RIMS1: variants seen among roughly 807,000 people sequenced by gnomAD.
RIMS1 encodes the protein regulating synaptic membrane exocytosis 1.
In RIMS1, 83 loss-of-function variants were observed where a neutral mutation model predicts 214.1. The ratio of observed to expected loss-of-function variants is 0.39; its 90% CI spans 0.32 to 0.47. The LOEUF (loss-of-function observed/expected upper bound fraction) is 0.47. Among genes scored for constraint, RIMS1 ranks in the 20% least tolerant of loss-of-function variants. The probability of loss-of-function intolerance (pLI) is 0.99; values close to 1 mark genes in which losing one functional copy is unlikely to be tolerated. For missense variants in RIMS1, 2,050 were observed against 2,161.8 expected (o/e 0.95, Z 1.03); for synonymous variants, 793 against 786.8 (o/e 1.01, Z -0.13).
intron 29 of RIMS1, among the ~76,000 whole-genome samples, chr6:72,347,715 G>A (rs537138314): frequency 1.5e-4 from 23 of 151,832 alleles, no homozygotes; most frequent in African/African-American, 5.5e-4. Flanking sequence ...TTCTTTCTTT[G>A]TACCTCTCTA....
At chr6:72,025,648 T>C (rs1009186721) in intron 2 of RIMS1, among the ~76,000 whole-genome samples, 1 of 152,196 alleles carries the variant, frequency 6.6e-6, no homozygotes, top group South Asian at 2.1e-4. Flanking sequence ...TAGGACCTTT[T>C]TGTACTAGTT....
At chr6:72,042,442 T>G (rs1821707817) in intron 2 of RIMS1, among the ~76,000 whole-genome samples, 1 of 151,932 alleles carries the variant, frequency 6.6e-6, no homozygotes, top group Non-Finnish European at 1.5e-5. Context: ...CAATTTTATT[T>G]CCATGTTTAA....
At position 72,396,967 on chromosome 6, in the gene RIMS1, C is replaced by G. The variant is rs535544118; in HGVS notation, c.4619-1282C>G. On this transcript the variant is annotated intron_variant, in intron 31 of 33. Transcript: ENST00000521978. ...GATGGAGGTTACAGTGAGCCAAGATCACACCACTGCACTCCAACCTGGACG... is the reference window on the plus strand; with the variant it reads ...GATGGAGGTTACAGTGAGCCAAGATGACACCACTGCACTCCAACCTGGACG... 6.6e-5 allele frequency among the ~76,000 whole-genome samples: 10 copies of G among 152,260 alleles called. No individual in the cohort carries two copies. In the South Asian group the frequency reaches 2.1e-3, roughly 32 times the overall value.
chr6:71,946,831 A>G (rs1025806169), intron 1 of RIMS1, among the ~76,000 whole-genome samples: 8 of 152,148 alleles, frequency 5.3e-5, no homozygotes, highest in African/African-American at 1.4e-4. Context: ...CCAAGAGAAC[A>G]ATAAACAGAA....
intron 2 of RIMS1, among the ~76,000 whole-genome samples, chr6:72,074,868 AT>A (rs1261361410): frequency 6.6e-6 from 1 of 152,210 alleles, no homozygotes; most frequent in Non-Finnish European, 1.5e-5. Context: ...CCATCAGTGA[AT>A]TCGTAGACAT....
chr6:72,322,151 C>T (rs1331434751), intron 28 of RIMS1, among the ~76,000 whole-genome samples: 1 of 152,094 alleles, frequency 6.6e-6, no homozygotes, highest in Non-Finnish European at 1.5e-5. Context: ...AAATAAATGT[C>T]ACAGCCTTAA....
intron 31 of RIMS1, among the ~76,000 whole-genome samples, chr6:72,395,523 G>C (rs2098763463): frequency 6.6e-6 from 1 of 152,070 alleles, no homozygotes; most frequent in South Asian, 2.1e-4. Flanking sequence ...GTTACCAGCA[G>C]TTTAGACAGA....
chr6:72,037,955 T>A (rs1344042618), intron 2 of RIMS1, among the ~76,000 whole-genome samples: 4 of 151,006 alleles, frequency 2.6e-5, no homozygotes, highest in African/African-American at 9.8e-5. Flanking sequence ...GAGTTGCTCA[T>A]TTCTTAAGAT....
chr6:72,366,839 G>A (rs2098044679), intron 29 of RIMS1: 1 of 985,130 alleles, frequency 1.0e-6, no homozygotes, highest in Non-Finnish European at 1.2e-6. Context: ...ATTTAATGCT[G>A]ATACTTAATT....
Position 72,333,598 on chromosome 6 carries a change from A to T in RIMS1, c.4131-2A>T. On this transcript the variant is annotated splice_acceptor_variant, in intron 28 of 33. Coordinates refer to ENST00000521978, the MANE Select transcript of RIMS1 (RefSeq NM_014989.7). LOFTEE classifies it high-confidence loss of function. ...ATATATGTTTTTACTTTGTAAATAT[A>T]GTTCATTTACCCCCAAAATGCAAGG... The T allele has an allele frequency of 6.4e-7, 1 of 1,572,110 alleles. No individual in the cohort carries two copies. The highest frequency in any genetic ancestry group is 8.6e-7 in the Non-Finnish European group (1 of 1,156,800).
intron 1 of RIMS1, among the ~76,000 whole-genome samples, chr6:71,897,300 A>T (rs955171420): frequency 6.6e-6 from 1 of 152,036 alleles, no homozygotes; most frequent in African/African-American, 2.4e-5. Context: ...CTCCCATCTG[A>T]TCTGATCTCC....
chr6:71,914,615 C>T (rs916592288), intron 1 of RIMS1, among the ~76,000 whole-genome samples: 13 of 151,906 alleles, frequency 8.6e-5, no homozygotes, highest in Admixed American at 8.5e-4. Flanking sequence ...GTTTATAAAC[C>T]TATGTTAGCT....
At chr6:72,221,992 A>G (rs1017416009) in intron 6 of RIMS1, among the ~76,000 whole-genome samples, 4 of 152,032 alleles carry the variant, frequency 2.6e-5, no homozygotes, top group Non-Finnish European at 5.9e-5. Context: ...GAACTGAGTT[A>G]AACATATTTA....
At chr6:72,284,485 G>T (rs2091583578) in intron 24 of RIMS1, among the ~76,000 whole-genome samples, 1 of 151,786 alleles carries the variant, frequency 6.6e-6, no homozygotes, top group South Asian at 2.1e-4. Flanking sequence ...GCAAATTATT[G>T]ACTGTCTTAT....
intron 6 of RIMS1, among the ~76,000 whole-genome samples, chr6:72,221,319 T>TGTGA (rs2058352723): frequency 6.6e-6 from 1 of 151,408 alleles, no homozygotes; most frequent in Admixed American, 6.6e-5. Flanking sequence ...TGTGTGTGTG[T>TGTGA]GTGATTTTTT....
chr6:71,892,093 G>A (rs980793650), intron 1 of RIMS1, among the ~76,000 whole-genome samples: 3 of 152,150 alleles, frequency 2.0e-5, no homozygotes, highest in Admixed American at 6.5e-5. Flanking sequence ...ATTTGCCTGA[G>A]GCACGTGGCA....
In RIMS1 at chr6:72,163,735, C is replaced by T. The variant is rs1293852138; in HGVS notation, c.472-15840C>T. 1.1e-4 allele frequency among the ~76,000 whole-genome samples: 16 copies of T among 139,372 alleles called. 1 individual carries two copies. The highest frequency in any genetic ancestry group is 3.2e-4 in the African/African-American group (13 of 40,368). The allele number at this position is 139,372 out of a possible 152,430, so 91.4% of individuals were successfully genotyped here. The stretch of plus-strand genomic sequence containing the variant: ...CAGCAAATGTTGCTGCCTGATTGTT[C>T]CTCTGGAAGTTTTGTCTCAGAGGAG... On this transcript the variant is annotated intron_variant, in intron 4 of 33. Transcript: ENST00000521978.
At chr6:72,173,761 C>T (rs1233110713) in intron 4 of RIMS1, among the ~76,000 whole-genome samples, 1 of 151,682 alleles carries the variant, frequency 6.6e-6, no homozygotes, top group Non-Finnish European at 1.5e-5. Flanking sequence ...CTTGATTAGC[C>T]ATATATAGGG....
intron 4 of RIMS1, among the ~76,000 whole-genome samples, chr6:72,161,548 C>G (rs4605843): frequency 7.3e-6 from 1 of 137,160 alleles, no homozygotes; most frequent in African/African-American, 2.5e-5. Context: ...TCCCTCTAAA[C>G]ACTGCTTTGA....
Sources: allele counts gnomAD v4.1 joint callset (sites outside exome capture counted in the v4.1 genomes callset), GRCh38; gene constraint gnomAD v4.1.1; transcripts MANE v1.5; gene names NCBI Gene and HGNC (gene_info 2026-07-23, HGNC 2026-07-21).